CTCF: variants seen among roughly 807,000 people sequenced by gnomAD.
CTCF encodes transcriptional repressor CTCF.
Under a neutral mutation model 72.3 loss-of-function variants are expected in CTCF, and 7 were observed. The ratio of observed to expected loss-of-function variants is 0.10; its 90% CI spans 0.06 to 0.18. The LOEUF (loss-of-function observed/expected upper bound fraction) is 0.18. Ranked by LOEUF, CTCF falls within the 10% of genes least tolerant of loss-of-function variation. CTCF has a pLI of 1.00. For synonymous variants in CTCF, 374 were observed against 315.8 expected (o/e 1.18, Z -1.95); for missense variants, 516 against 949.1 (o/e 0.54, Z 6.00).
chr16:67,617,556 C>T (rs1035673667), intron 5 of CTCF, among the ~76,000 whole-genome samples: 1 of 152,012 alleles, frequency 6.6e-6, no homozygotes, highest in East Asian at 1.9e-4. Flanking sequence ...GTGGTGCATG[C>T]CTGTAATCCC....
intron 7 of CTCF, 98 bp downstream of exon 7, chr16:67,621,689 A>C (rs957731922): frequency 3.4e-6 from 3 of 892,228 alleles, no homozygotes; most frequent in Non-Finnish European, 5.2e-6. Flanking sequence ...TGACTCTCAT[A>C]ACATTTTATG....
chr16:67,573,692 C>T (rs979439923), intron 2 of CTCF, among the ~76,000 whole-genome samples: 2 of 151,500 alleles, frequency 1.3e-5, no homozygotes, highest in South Asian at 4.2e-4. Context: ...ACTCTCAAGC[C>T]CAGGTTTTTC....
intron 2 of CTCF, among the ~76,000 whole-genome samples, chr16:67,587,616 T>C (rs185642934): frequency 6.6e-6 from 1 of 151,840 alleles, no homozygotes; most frequent in Non-Finnish European, 1.5e-5. Flanking sequence ...GTACCCAAAA[T>C]AGAAGTGAAA....
intron 2 of CTCF, among the ~76,000 whole-genome samples, chr16:67,595,894 G>A (rs2051806877): frequency 6.6e-6 from 1 of 152,020 alleles, no homozygotes; most frequent in Non-Finnish European, 1.5e-5. Context: ...GTAGAATTGT[G>A]CTAGTTTCAC....
Position 67,600,958 on chromosome 16 carries a change from T to C in CTCF, c.-9-9866T>C, listed in dbSNP as rs371345140. Among the ~76,000 whole-genome samples the C allele has an allele frequency of 5.3e-5, 8 of 152,216 alleles. No individual in the cohort carries two copies. The East Asian group carries it at 1.3e-3, about 26-fold the overall frequency. ...AAGGCATGGGCGACTCAAGCAAGCATAGAGCCAAAAAATATGTAGGAATTA... is the reference window on the plus strand; with the variant it reads ...AAGGCATGGGCGACTCAAGCAAGCACAGAGCCAAAAAATATGTAGGAATTA... On this transcript the variant is annotated intron_variant, in intron 2 of 11. Transcript: ENST00000264010.
At chr16:67,569,771 C>T (rs531062752) in intron 1 of CTCF, among the ~76,000 whole-genome samples, 8 of 151,282 alleles carry the variant, frequency 5.3e-5, no homozygotes, top group East Asian at 2.0e-4. Context: ...TTCCAACCTC[C>T]GGCTCCTGGG....
intron 2 of CTCF, among the ~76,000 whole-genome samples, chr16:67,601,493 C>G (rs1235789314): frequency 2.0e-5 from 3 of 151,848 alleles, no homozygotes; most frequent in African/African-American, 7.3e-5. Flanking sequence ...CGCCTGCCAC[C>G]ACGCCCAGCT....
chr16:67,602,512 G>A (rs569412566), intron 2 of CTCF, among the ~76,000 whole-genome samples: 1 of 152,096 alleles, frequency 6.6e-6, no homozygotes, highest in Non-Finnish European at 1.5e-5. Flanking sequence ...CTAACTTTTG[G>A]GGCTTTTCAG....
chr16:67,610,742 A>T, intron 2 of CTCF, 82 bp from the exon 3 acceptor site: 1 of 1,008,670 alleles, frequency 9.9e-7, no homozygotes. Flanking sequence ...CATTCACCAA[A>T]GGGTCTTTTT....
intron 10 of CTCF, among the ~76,000 whole-genome samples, chr16:67,635,017 T>TTTTG (rs576747365): frequency 1.2e-4 from 18 of 150,574 alleles, no homozygotes; most frequent in Admixed American, 5.3e-4. Context: ...TTGTTTTTGT[T>TTTTG]TTTGTTTGTT....
intron 2 of CTCF, among the ~76,000 whole-genome samples, chr16:67,607,355 G>T (rs1695783425): frequency 6.6e-6 from 1 of 151,816 alleles, no homozygotes; most frequent in Non-Finnish European, 1.5e-5. Context: ...GCCCAGGCTG[G>T]AATGCAGGGG....
chr16:67,574,304 G>A (rs1008726864), intron 2 of CTCF, among the ~76,000 whole-genome samples: 2 of 152,110 alleles, frequency 1.3e-5, no homozygotes, highest in African/African-American at 4.8e-5. Context: ...AGACCTCAAG[G>A]AAACACTTCT....
intron 10 of CTCF, among the ~76,000 whole-genome samples, chr16:67,633,264 TC>T (rs2052387432): frequency 1.3e-5 from 2 of 149,072 alleles, no homozygotes; most frequent in African/African-American, 5.1e-5. Flanking sequence ...TCCCCAGGTG[TC>T]ACTATTAAAT....
chr16:67,564,250 C>T (rs1342021697), intron 1 of CTCF, among the ~76,000 whole-genome samples: 1 of 152,212 alleles, frequency 6.6e-6, no homozygotes, highest in Non-Finnish European at 1.5e-5. Flanking sequence ...CGTAAATATT[C>T]TAGTGCCTTA....
chr16:67,584,599 T>TG (rs1341750573), intron 2 of CTCF, among the ~76,000 whole-genome samples: 1 of 151,952 alleles, frequency 6.6e-6, no homozygotes, highest in Non-Finnish European at 1.5e-5. Flanking sequence ...GTGCTGGGAT[T>TG]ACAGGCGTGA....
At chr16:67,570,282 G>A (rs749845590) in intron 1 of CTCF, among the ~76,000 whole-genome samples, 1 of 150,552 alleles carries the variant, frequency 6.6e-6, no homozygotes, top group African/African-American at 2.4e-5. Context: ...GGGGTCTCAC[G>A]TGTTAGCCAG....
At chr16:67,613,430 A>G (rs1181969083) in intron 4 of CTCF, among the ~76,000 whole-genome samples, 1 of 152,158 alleles carries the variant, frequency 6.6e-6, no homozygotes. Flanking sequence ...CATCTCCCTA[A>G]TTTCTACTCA....
At chr16:67,618,835 T>C (rs2052165733) in intron 5 of CTCF, among the ~76,000 whole-genome samples, 1 of 152,220 alleles carries the variant, frequency 6.6e-6, no homozygotes, top group Admixed American at 6.5e-5. Context: ...CTCAGTAACT[T>C]TTCCAGAGGA....
rs752973738 is a variant in CTCF at position 67,637,674 on chromosome 16, CTCT to C, written c.2000-9_2000-7del. 28 of 1,606,636 alleles carry C rather than the reference CTCT, an allele frequency of 1.7e-5. No individual in the cohort carries two copies. Among genetic ancestry groups the C allele is most frequent in the Non-Finnish European group, 2.2e-5 (26 of 1,175,196 alleles). ...TAATGGACCATTTGTTCTGTCTGTG[CTCT>C]TCTTTGCCAGCAACAGCTATCATTC... On this transcript the variant is annotated splice_polypyrimidine_tract_variant and intron_variant, in intron 11 of 11. Transcript: ENST00000264010.
Sources: gnomAD v4.1 joint callset for allele counts (sites outside exome capture counted in the v4.1 genomes callset) on GRCh38, gnomAD v4.1.1 for gene constraint, MANE v1.5 for transcripts, NCBI Gene and HGNC (gene_info 2026-07-23, HGNC 2026-07-21) for gene names.